Variants in ENOX2 observed in about 807,000 individuals in gnomAD.
ENOX2 encodes ecto-NOX disulfide-thiol exchanger 2.
In ENOX2, 36 loss-of-function variants were observed where a neutral mutation model predicts 45.0. The observed-to-expected ratio is 0.80, with a 90% CI of 0.61 to 1.06. The LOEUF (loss-of-function observed/expected upper bound fraction) is 1.06. Among genes scored for constraint, ENOX2 ranks in the 50% least tolerant of loss-of-function variants. ENOX2 has a pLI of 0.00. For synonymous variants in ENOX2, 174 were observed against 152.3 expected (o/e 1.14, Z -1.05); for missense variants, 423 against 462.5 (o/e 0.91, Z 0.78).
chrX:130,670,278 G>C (rs191845574), intron 6 of ENOX2, 80 bp from the exon 7 acceptor site: 389 of 650,356 alleles, frequency 6.0e-4, no homozygotes, highest in Non-Finnish European at 8.2e-4. Context: ...CAGAGACAGA[G>C]AGAGAGAGAG....
At chrX:130,885,458 G>A (rs1009292180) in intron 2 of ENOX2, among the ~76,000 whole-genome samples, 1 of 111,877 alleles carries the variant, frequency 8.9e-6, no homozygotes, top group Non-Finnish European at 1.9e-5. Context: ...TTAAATCACT[G>A]TCTAAATGTT....
At chrX:130,902,519 G>A (rs1316599307) in intron 1 of ENOX2, among the ~76,000 whole-genome samples, 1 of 109,680 alleles carries the variant, frequency 9.1e-6, no homozygotes, top group Non-Finnish European at 1.9e-5. Context: ...AATTAAGGAG[G>A]CAAAAAGAGA....
At chrX:130,687,440 C>T (rs2037477467) in intron 5 of ENOX2, among the ~76,000 whole-genome samples, 1 of 112,527 alleles carries the variant, frequency 8.9e-6, no homozygotes, top group African/African-American at 3.2e-5. Context: ...AGGAATACAA[C>T]TTTCTCTAAT....
chrX:130,896,012 T>A (rs1449099756), intron 2 of ENOX2, among the ~76,000 whole-genome samples: 1 of 112,529 alleles, frequency 8.9e-6, no homozygotes, highest in Non-Finnish European at 1.9e-5. Context: ...CTGAGGTGTA[T>A]GCTGATTTCT....
At chrX:130,808,809 C>G (rs1436061750) in intron 2 of ENOX2, among the ~76,000 whole-genome samples, 2 of 111,907 alleles carry the variant, frequency 1.8e-5, no homozygotes, top group African/African-American at 6.5e-5. Context: ...CACTTTCAGT[C>G]TCTATCATCT....
rs955004492 is a variant in ENOX2, at chrX:130,669,948, T to C, written c.694+17A>G. ...AAAAGAGTTCTTTTAATCATGAAGC[T>C]TGAGTGCCTTTGATACCTTTTAATT... On this transcript the variant is annotated intron_variant, in intron 7 of 14. Transcript: ENST00000394363. 13 of 1,087,409 alleles carry C rather than the reference T, an allele frequency of 1.2e-5. No homozygotes were observed. Among genetic ancestry groups the C allele is most frequent in the Non-Finnish European group, 1.7e-5 (13 of 783,098 alleles). The allele number at this position is 1,087,409 out of a possible 1,213,427, so 89.6% of individuals were successfully genotyped here. A position where few individuals can be genotyped will look rare whatever the true frequency, so the allele number is the denominator to read the frequency against.
In ENOX2 at chrX:130,645,705, C is replaced by T. The variant is rs2036212924; in HGVS notation, c.1130-8295G>A. Reference sequence around the variant, plus strand: ...TGCGTTTCATGCCCCAGCAGCCGCGCCCCACATCCACGCTGGGATGGTGAA... The same window carrying T: ...TGCGTTTCATGCCCCAGCAGCCGCGTCCCACATCCACGCTGGGATGGTGAA... On this transcript the variant is annotated intron_variant, in intron 10 of 14. Transcript: ENST00000394363. The T allele has an allele frequency of 4.5e-6, 3 of 662,261 alleles. No individual in the cohort carries two copies. The South Asian group carries it at 8.3e-5, about 18-fold the overall frequency. The allele number at this position is 662,261 out of a possible 1,213,427, so 54.6% of individuals were successfully genotyped here.
At chrX:130,817,012 A>T (rs905252614) in intron 2 of ENOX2, among the ~76,000 whole-genome samples, 1 of 112,241 alleles carries the variant, frequency 8.9e-6, no homozygotes, top group South Asian at 3.7e-4. Context: ...CAAAATAGAT[A>T]GACTACTATC....
chrX:130,709,637 C>CAAA (rs60183563), intron 3 of ENOX2, among the ~76,000 whole-genome samples: 1 of 30,098 alleles, frequency 3.3e-5, no homozygotes, highest in African/African-American at 1.2e-4. Context: ...GACTCTGTCT[C>CAAA]AAAAAAAAAA....
intron 2 of ENOX2, among the ~76,000 whole-genome samples, chrX:130,882,360 T>C (rs2078833008): frequency 9.2e-6 from 1 of 108,310 alleles, no homozygotes; most frequent in African/African-American, 3.4e-5. Flanking sequence ...GCAAAATCCT[T>C]TAGAGGATTT....
chrX:130,833,985 A>G (rs1259465162), intron 2 of ENOX2, among the ~76,000 whole-genome samples: 1 of 111,772 alleles, frequency 8.9e-6, no homozygotes, highest in Non-Finnish European at 1.9e-5. Context: ...TAGTATCAGT[A>G]AACAAACAGA....
chrX:130,775,100 T>C (rs1416962178), intron 3 of ENOX2, among the ~76,000 whole-genome samples: 5 of 112,151 alleles, frequency 4.5e-5, no homozygotes, highest in African/African-American at 1.3e-4. Flanking sequence ...AGGAGCAAGA[T>C]TGACTTATCT....
At chrX:130,670,324 G>A (rs2036952105) in intron 6 of ENOX2, 126 bp from the exon 7 acceptor site, 2 of 493,301 alleles carry the variant, frequency 4.1e-6, no homozygotes, top group East Asian at 7.3e-5. Context: ...CAAGTTCAGT[G>A]TTTCAGATGT....
chrX:130,682,307 TC>T (rs1188334224), intron 5 of ENOX2, among the ~76,000 whole-genome samples: 6 of 109,805 alleles, frequency 5.5e-5, no homozygotes, highest in African/African-American at 1.0e-4. Context: ...AAAGGCTCCA[TC>T]CCCTGGCTAC....
intron 2 of ENOX2, among the ~76,000 whole-genome samples, chrX:130,807,334 T>C (rs1335142102): frequency 3.6e-5 from 4 of 112,144 alleles, no homozygotes; most frequent in Non-Finnish European, 7.5e-5. Context: ...TAAGGTTGCA[T>C]GGAAAAGCAG....
At chrX:130,690,333 G>A (rs936039373) in intron 4 of ENOX2, among the ~76,000 whole-genome samples, 1 of 111,783 alleles carries the variant, frequency 8.9e-6, no homozygotes. Context: ...GCATTCCAAA[G>A]CACAGGGGTC....
chrX:130,737,454 A>ACG lies in ENOX2; in HGVS notation c.-38-34202_-38-34201dup, dbSNP rs1156619054. 2.1e-3 allele frequency among the ~76,000 whole-genome samples: 233 copies of ACG among 110,302 alleles called. 1 individual carries two copies. The highest frequency in any genetic ancestry group is 7.6e-3 in the African/African-American group (223 of 29,503). On this transcript the variant is annotated intron_variant, in intron 3 of 14. Transcript: ENST00000394363. ...AGTTACTTATTGCATGCGCGTGCGC[A>ACG]CGCACACACACACACACACACACAC...
At chrX:130,744,352 A>G (rs1285140051) in intron 3 of ENOX2, among the ~76,000 whole-genome samples, 2 of 112,093 alleles carry the variant, frequency 1.8e-5, no homozygotes, top group East Asian at 5.6e-4. Context: ...TAGCATTTTG[A>G]ACTCTTCGTA....
Position 130,810,038 on chromosome X carries a change from C to T in ENOX2, c.-182-26348G>A, listed in dbSNP as rs190583605. The stretch of plus-strand genomic sequence containing the variant: ...GAGCTCAGAAATAAGAAATGATACA[C>T]GGAAGAGTGTAAGACAGACAGTTTT... On this transcript the variant is annotated intron_variant, in intron 2 of 14. Transcript: ENST00000394363. Among the ~76,000 whole-genome samples the T allele has an allele frequency of 3.4e-3, 372 of 111,035 alleles. 2 individuals carry two copies. Among genetic ancestry groups the T allele is most frequent in the Middle Eastern group, 0.018 (4 of 218 alleles).
Sources: allele counts gnomAD v4.1 joint callset (sites outside exome capture counted in the v4.1 genomes callset), GRCh38; gene constraint gnomAD v4.1.1; transcripts MANE v1.5; gene names NCBI Gene and HGNC (gene_info 2026-07-23, HGNC 2026-07-21).